Variants in ADGRL4 observed in about 807,000 individuals in gnomAD.
ADGRL4 encodes the protein adhesion G protein-coupled receptor L4.
A neutral mutation model predicts 74.8 loss-of-function variants in ADGRL4; 90 were observed. That is an observed-to-expected ratio of 1.20 (90% confidence interval 1.02 to 1.43). The LOEUF (loss-of-function observed/expected upper bound fraction) is 1.43. Among genes scored for constraint, ADGRL4 ranks in the 40% most tolerant of loss-of-function variants. The pLI is 0.00. For missense variants in ADGRL4, 881 were observed against 814.3 expected, an observed-to-expected ratio of 1.08 and a Z score of -1.00; for synonymous variants, 311 against 279.2, an observed-to-expected ratio of 1.11 and a Z score of -1.14.
In ADGRL4 at chr1:78,921,541, A is replaced by G. The variant is rs181542302; in HGVS notation, c.1257+72T>C. On this transcript the variant is annotated intron_variant, in intron 9 of 14. Transcript: ENST00000370742. ...AAGAAAAATATATAAAAAATTAAAT[A>G]TTGTCTCGAATGATGCGGAAAAAAA... The G allele has an allele frequency of 1.1e-4, 104 of 965,906 alleles. 2 individuals are homozygous for G. The East Asian group carries it at 3.0e-3, about 28-fold the overall frequency. The allele number at this position is 965,906 out of a possible 1,614,324, so 59.8% of individuals were successfully genotyped here.
At position 78,968,509 on chromosome 1, in the gene ADGRL4, G is replaced by GT. The variant is rs1283881489; in HGVS notation, c.173-22084_173-22083insA. On this transcript the variant is annotated intron_variant, in intron 2 of 14. Coordinates refer to ENST00000370742, the MANE Select transcript of ADGRL4 (RefSeq NM_022159.4). ...CTACTGGGGTGGAGGGCGGTGGGGGGGTGGGGGGGAGACGGGGGTCGGCAA... is the reference window on the plus strand; with the variant it reads ...CTACTGGGGTGGAGGGCGGTGGGGGGTGTGGGGGGGAGACGGGGGTCGGCAA... 7.4e-4 allele frequency among the ~76,000 whole-genome samples: 92 copies of GT among 123,628 alleles called. 3 individuals are homozygous for GT. Among genetic ancestry groups the GT allele is most frequent in the East Asian group, 1.3e-3 (5 of 3,716 alleles). 81.1% of individuals were successfully genotyped at this position (123,628 alleles called of 152,430 possible).
chr1:78,992,905 C>T (rs575186396), intron 2 of ADGRL4, among the ~76,000 whole-genome samples: 4 of 151,952 alleles, frequency 2.6e-5, no homozygotes, highest in African/African-American at 7.2e-5. Context: ...ATGGTTGATA[C>T]AACAGAGGAT....
chr1:78,898,817 T>C (rs1245106390), intron 12 of ADGRL4, among the ~76,000 whole-genome samples: 1 of 152,196 alleles, frequency 6.6e-6, no homozygotes, highest in Non-Finnish European at 1.5e-5. Flanking sequence ...ATATTTCATG[T>C]ATTTCAAAGC....
At chr1:78,982,717 A>G (rs767307504) in intron 2 of ADGRL4, among the ~76,000 whole-genome samples, 3 of 151,938 alleles carry the variant, frequency 2.0e-5, no homozygotes, top group African/African-American at 4.8e-5. Context: ...ATAAAACAGC[A>G]TACTGGAAAA....
At chr1:78,972,201 A>G (rs919070147) in intron 2 of ADGRL4, among the ~76,000 whole-genome samples, 2 of 152,216 alleles carry the variant, frequency 1.3e-5, no homozygotes, top group Admixed American at 6.5e-5. Flanking sequence ...ATGTTATGGA[A>G]TCCTATCTCT....
intron 2 of ADGRL4, 52 bp downstream of exon 2, chr1:79,005,018 T>C: frequency 1.3e-6 from 2 of 1,526,212 alleles, no homozygotes; most frequent in Non-Finnish European, 1.8e-6. Flanking sequence ...AGCAGTCCCA[T>C]CAGAATTTAA....
At chr1:78,896,279 A>G (rs910303061) in intron 12 of ADGRL4, among the ~76,000 whole-genome samples, 5 of 152,146 alleles carry the variant, frequency 3.3e-5, no homozygotes, top group Admixed American at 6.6e-5. Flanking sequence ...ATAACTGATT[A>G]AATTCTAGTT....
At chr1:78,998,252 GCT>G (rs1650759886) in intron 2 of ADGRL4, among the ~76,000 whole-genome samples, 1 of 112,554 alleles carries the variant, frequency 8.9e-6, no homozygotes, top group East Asian at 3.3e-4. Flanking sequence ...TGATTTCATT[GCT>G]TTTTTTTTTT....
In ADGRL4 at chr1:78,927,069, T is replaced by C. The variant is rs754510379; in HGVS notation, c.900A>G (p.Val300=). 1 of 1,599,358 alleles carries C rather than the reference T, an allele frequency of 6.3e-7. No homozygotes were observed. Among genetic ancestry groups the C allele is most frequent in the South Asian group, 1.1e-5 (1 of 90,346 alleles). The change falls in exon 8 of 15, where the codon GTA becomes GTG. Residue 300 remains valine, a synonymous_variant. Transcript: ENST00000370742. ...GCAAAGGACCAATACTCTTATAATA[T>C]ACAAATGCAACTGCAACATTGCCTA... ...DSNGNVAVAF[V]YYKSIGPLLS... is the part of the protein sequence containing the mutation.
chr1:78,923,101 C>A (rs1649036242), intron 8 of ADGRL4, among the ~76,000 whole-genome samples: 1 of 151,770 alleles, frequency 6.6e-6, no homozygotes, highest in African/African-American at 2.4e-5. Context: ...TCAAGGAGGT[C>A]AAGCTATATG....
intron 1 of ADGRL4, among the ~76,000 whole-genome samples, chr1:79,005,959 G>A (rs1650954409): frequency 6.6e-6 from 1 of 152,090 alleles, no homozygotes; most frequent in Admixed American, 6.5e-5. Flanking sequence ...CAAGGAACAA[G>A]ACTATACATC....
intron 2 of ADGRL4, among the ~76,000 whole-genome samples, chr1:78,949,146 A>G (rs188357527): frequency 3.1e-4 from 47 of 152,194 alleles, no homozygotes; most frequent in African/African-American, 1.1e-3. Flanking sequence ...ATGATATGCA[A>G]AAATATAGAG....
At chr1:78,991,216 C>T (rs979625867) in intron 2 of ADGRL4, among the ~76,000 whole-genome samples, 1 of 152,010 alleles carries the variant, frequency 6.6e-6, no homozygotes, top group Non-Finnish European at 1.5e-5. Flanking sequence ...TAAGCATGAC[C>T]TACATTTTGG....
chr1:78,976,909 C>T (rs1650295976), intron 2 of ADGRL4, among the ~76,000 whole-genome samples: 1 of 151,626 alleles, frequency 6.6e-6, no homozygotes. Context: ...AGAAGGAAAT[C>T]CTTTCCATTT....
chr1:78,897,724 A>G (rs1378945645), intron 12 of ADGRL4, among the ~76,000 whole-genome samples: 2 of 152,180 alleles, frequency 1.3e-5, no homozygotes, highest in African/African-American at 4.8e-5. Flanking sequence ...ATTACTCAAA[A>G]TTTCCTGAAT....
intron 10 of ADGRL4, among the ~76,000 whole-genome samples, chr1:78,918,295 GT>G (rs1648927014): frequency 6.6e-6 from 1 of 151,716 alleles, no homozygotes; most frequent in African/African-American, 2.4e-5. Context: ...TTGTCCAGAG[GT>G]TTGTAACTTT....
At chr1:78,909,845 T>C (rs1001745783) in intron 12 of ADGRL4, among the ~76,000 whole-genome samples, 1 of 151,882 alleles carries the variant, frequency 6.6e-6, no homozygotes, top group Non-Finnish European at 1.5e-5. Flanking sequence ...GAATAAAGAT[T>C]CTCTGTGCAG....
intron 7 of ADGRL4, among the ~76,000 whole-genome samples, chr1:78,932,023 G>C (rs1290930247): frequency 6.6e-6 from 1 of 151,402 alleles, no homozygotes; most frequent in Non-Finnish European, 1.5e-5. Flanking sequence ...AGATCAATGA[G>C]ACAGAAAATA....
chr1:78,894,656 A>G (rs1325966001), intron 12 of ADGRL4, among the ~76,000 whole-genome samples: 1 of 151,862 alleles, frequency 6.6e-6, no homozygotes, highest in African/African-American at 2.4e-5. Flanking sequence ...TTTTATAAAT[A>G]TATGCACATA....
Sources: allele counts gnomAD v4.1 joint callset (sites outside exome capture counted in the v4.1 genomes callset), GRCh38; gene constraint gnomAD v4.1.1; transcripts MANE v1.5; gene names NCBI Gene and HGNC (gene_info 2026-07-23, HGNC 2026-07-21).